The following FGFR3 variants were observed in gnomAD, a reference collection of about 807,000 sequenced individuals.
FGFR3 encodes the protein FGFR-3.
Under a neutral mutation model 82.9 loss-of-function variants are expected in FGFR3, and 25 were observed. The ratio of observed to expected loss-of-function variants is 0.30; its 90% CI spans 0.22 to 0.42. FGFR3 has a LOEUF of 0.42. Ranked by LOEUF, FGFR3 falls within the 10% of genes least tolerant of loss-of-function variation. The pLI is 1.00. For synonymous variants in FGFR3, 620 were observed against 516.0 expected, an observed-to-expected ratio of 1.20 and a Z score of -2.73; for missense variants, 1,026 against 1,161.0, an observed-to-expected ratio of 0.88 and a Z score of 1.69.
At position 1,803,713 on chromosome 4, in the gene FGFR3, G is replaced by A. The variant is rs771975162; in HGVS notation, c.952G>A (p.Asp318Asn). 10 of 1,613,678 alleles carry A rather than the reference G, an allele frequency of 6.2e-6. No individual in the cohort carries two copies. The highest frequency in any genetic ancestry group is 3.3e-5 in the South Asian group (3 of 91,078). Residue 318 changes from aspartate to asparagine, a missense_variant, in exon 8 of 18, where the codon GAC becomes AAC. By Grantham distance (23) the Asp-to-Asn change is conservative (BLOSUM62 1). Transcript: ENST00000440486. ...GTAGACGGCGGGCGCTAACACCACCGACAAGGAGCTAGAGGTTCTCTCCTT... is the reference window on the plus strand; with the variant it reads ...GTAGACGGCGGGCGCTAACACCACCAACAAGGAGCTAGAGGTTCTCTCCTT... Reference protein sequence around the residue: ...VLKTAGANTTDKELEVLSLHN... With the variant: ...VLKTAGANTTNKELEVLSLHN...
intron 17 of FGFR3, 28 bp from the exon 18 acceptor site, chr4:1,807,088 C>T (rs748580193): frequency 8.3e-6 from 13 of 1,559,640 alleles, no homozygotes; most frequent in South Asian, 1.2e-5. Context: ...CTCGGTGGCA[C>T]AGCGCTCACC....
intron 7 of FGFR3, chr4:1,803,051 C>T (rs780694351): frequency 1.6e-5 from 25 of 1,589,962 alleles, no homozygotes; most frequent in Middle Eastern, 1.7e-4. Flanking sequence ...TGAGCGTTCA[C>T]GGGCCCCGAG....
intron 7 of FGFR3, among the ~76,000 whole-genome samples, chr4:1,802,628 C>T (rs528851236): frequency 2.6e-5 from 4 of 152,274 alleles, no homozygotes; most frequent in Admixed American, 2.0e-4. Context: ...CCAGAGAGGC[C>T]GCCTCGGGCC....
At chr4:1,799,668 C>T in intron 3 of FGFR3, 79 bp from the exon 4 acceptor site, 1 of 1,579,496 alleles carries the variant, frequency 6.3e-7, no homozygotes, top group Non-Finnish European at 8.6e-7. Flanking sequence ...AAATGGGGGA[C>T]CCTGCCCCAT....
chr4:1,806,167 G>A lies in FGFR3; in HGVS notation c.1953G>A (p.Thr651=), dbSNP rs7688609. 1,601,075 of 1,613,064 alleles carry A rather than the reference G, an allele frequency of 0.99. 795,336 individuals are homozygous for A. Among genetic ancestry groups the A allele is most frequent in the East Asian group, 1 (44,860 of 44,860 alleles). ...DVHNLDYYKK[T]TNGRLPVKWM... ...ACAACCTCGACTACTACAAGAAGAC[G>A]ACCAACGTGAGCCCGGCCCTGGGGT... Residue 651 remains threonine (T), a synonymous_variant, in exon 14 of 18, where the codon ACG becomes ACA. Transcript: ENST00000440486.
In FGFR3 at chr4:1,802,015, C is replaced by T. The variant is rs2108785071; in HGVS notation, c.920C>T (p.Thr307Ile). ...KVGPDGTPYV[T>I]VLKTAGANTT... ...GGCCCGGACGGCACACCCTACGTTA[C>T]CGTGCTCAAGGTGGGCCACCGTGTG... Residue 307 changes from threonine (T) to isoleucine (I), a missense_variant, in exon 7 of 18, where the codon ACC becomes ATC. This residue lies in a region of FGFR3 where 256 missense variants were observed against 217.6 expected (regional missense o/e 1.18). Transcript: ENST00000440486. 1 of 1,612,030 alleles carries T rather than the reference C, an allele frequency of 6.2e-7. No individual in the cohort carries two copies. The highest frequency in any genetic ancestry group is 8.5e-7 in the Non-Finnish European group (1 of 1,179,608).
intron 2 of FGFR3, among the ~76,000 whole-genome samples, chr4:1,795,292 A>G (rs1381898666): frequency 1.3e-5 from 2 of 151,926 alleles, no homozygotes; most frequent in Non-Finnish European, 2.9e-5. Flanking sequence ...TCATTCAGAT[A>G]AAGATATTAC....
In FGFR3 at chr4:1,808,677, G is replaced by C. The variant is rs769375190; in HGVS notation, c.*1415G>C. ...TTGGAGGGAAGCCGTGAATTCAGTT[G>C]GTTCGTTCTGTACTGTTACTGGGCC... On this transcript the variant is annotated 3_prime_UTR_variant, in exon 18 of 18. Transcript: ENST00000440486. 4.3e-6 allele frequency: 1 copy of C among 232,032 alleles called. No homozygotes were observed. The highest frequency in any genetic ancestry group is 8.5e-6 in the Non-Finnish European group (1 of 117,214). 14.4% of individuals were successfully genotyped at this position (232,032 alleles called of 1,614,324 possible).
In FGFR3 at chr4:1,805,842, G is replaced by C. The variant is rs761196249; in HGVS notation, c.1738G>C (p.Asp580His). Residue 580 changes from aspartate to histidine, a missense_variant, in exon 13 of 18, where the codon GAC becomes CAC. Around this residue, in one of 9 missense-constraint regions of FGFR3, gnomAD observed 164 missense variants for 167.5 expected, o/e 0.98. Transcript: ENST00000440486. ...RRPPGLDYSF[D>H]TCKPPEEQLT... ...GCCCCCGGGCCTGGACTACTCCTTC[G>C]ACACCTGCAAGCCGCCCGAGGAGCA... is the stretch of plus-strand genomic sequence containing the variant. 1 of 1,612,554 alleles carries C rather than the reference G, an allele frequency of 6.2e-7. No individual in the cohort carries two copies. Among genetic ancestry groups the C allele is most frequent in the Non-Finnish European group, 8.5e-7 (1 of 1,179,878 alleles).
intron 9 of FGFR3, 34 bp from the exon 10 acceptor site, chr4:1,804,790 C>T (rs1056371328): frequency 3.2e-6 from 5 of 1,548,632 alleles, no homozygotes; most frequent in South Asian, 1.2e-5. Context: ...CTGTCGCCCA[C>T]GCGGCGCCAA....
In FGFR3 at chr4:1,802,145, AGCTGTGGGGGT is replaced by A. The variant is rs1332045048; in HGVS notation, c.930+124_930+134del. 1.3e-5 allele frequency: 14 copies of A among 1,106,956 alleles called. No individual in the cohort carries two copies. The East Asian group carries it at 1.6e-4, about 12-fold the overall frequency. The allele number at this position is 1,106,956 out of a possible 1,614,324, so 68.6% of individuals were successfully genotyped here. A position where few individuals can be genotyped will look rare whatever the true frequency, so the allele number is the denominator to read the frequency against. ...TAGGGGTTGGAGCTTCGGGGGCAGA[AGCTGTGGGGGT>A]GCTTGTGGGGCCAAGTCTCAGCCAC... On this transcript the variant is annotated intron_variant, in intron 7 of 17. Transcript: ENST00000440486.
chr4:1,801,943 C>T lies in FGFR3; in HGVS notation c.848C>T (p.Pro283Leu), dbSNP rs773094879. Residue 283 changes from proline (P) to leucine (L), a missense_variant, in exon 7 of 18, where the codon CCC becomes CTC. By Grantham distance (98) the Pro-to-Leu change is moderately conservative. Around this residue, in one of 9 missense-constraint regions of FGFR3, gnomAD observed 147 missense variants for 228.1 expected, o/e 0.64. Transcript: ENST00000440486. ...TGCAAGGTGTACAGTGACGCACAGC[C>T]CCACATCCAGTGGCTCAAGCACGTG... The part of the protein sequence containing the change: ...FHCKVYSDAQ[P>L]HIQWLKHVEV... The T allele has an allele frequency of 2.5e-6, 4 of 1,612,776 alleles. No homozygotes were observed. Among genetic ancestry groups the T allele is most frequent in the South Asian group, 2.2e-5 (2 of 91,090 alleles).
chr4:1,801,410 G>A lies in FGFR3; in HGVS notation c.489G>A (p.Leu163=), dbSNP rs1721157938. ...GGCCCGAGCGGATGGACAAGAAGCT[G>A]CTGGCCGTGCCGGCCGCCAACACCG... ...WTRPERMDKK[L]LAVPAANTVR... Residue 163 remains leucine, a synonymous_variant, in exon 5 of 18, where the codon CTG becomes CTA. Coordinates refer to ENST00000440486, the MANE Select transcript of FGFR3 (RefSeq NM_000142.5). 2.6e-6 allele frequency: 4 copies of A among 1,553,726 alleles called. No individual in the cohort carries two copies. In the East Asian group the frequency reaches 9.7e-5, roughly 38 times the overall value.
intron 2 of FGFR3, 62 bp downstream of exon 2, chr4:1,794,105 G>A: frequency 9.5e-7 from 1 of 1,052,814 alleles, no homozygotes; most frequent in Non-Finnish European, 1.3e-6. Context: ...CGTTGGGGAC[G>A]GGAACCGGCC....
chr4:1,804,344 G>A lies in FGFR3; in HGVS notation c.1090G>A (p.Val364Met), dbSNP rs1474313537. 6.2e-7 allele frequency: 1 copy of A among 1,609,398 alleles called. No individual in the cohort carries two copies. The highest frequency in any genetic ancestry group is 8.5e-7 in the Non-Finnish European group (1 of 1,178,180). The change falls in exon 9 of 18, where the codon GTG becomes ATG. Residue 364 changes from valine to methionine, a missense_variant. Transcript: ENST00000440486. ...TGTCTTTGCAGCCGAGGAGGAGCTG[G>A]TGGAGGCTGACGAGGCGGGCAGTGT... Reference protein sequence around the residue: ...LVVLPAEEELVEADEAGSVYA... With the variant: ...LVVLPAEEELMEADEAGSVYA...
At position 1,804,991 on chromosome 4, in the gene FGFR3, C is replaced by T. The variant is rs549931094; in HGVS notation, c.1412+22C>T. 633 of 1,537,956 alleles carry T rather than the reference C, an allele frequency of 4.1e-4. 6 individuals carry two copies. In the South Asian group the frequency reaches 4.5e-3, roughly 11 times the overall value. ...CCCGGTCAGTGGTGCTGAGGGCCAG[C>T]GTTGGCTGTAGGGGGCTTGGTGGTG... On this transcript the variant is annotated intron_variant, in intron 10 of 17. Transcript: ENST00000440486.
rs768897749 is a variant in FGFR3 at position 1,805,647 on chromosome 4, G to C, written c.1623G>C (p.Leu541=). ...MIGKHKNIIN[L]LGACTQGGPL... is the part of the protein sequence containing the mutation. ...GGAAACACAAAAACATCATCAACCT[G>C]CTGGGCGCCTGCACGCAGGGCGGTA... Residue 541 remains leucine, a synonymous_variant, in exon 12 of 18, where the codon CTG becomes CTC. Transcript: ENST00000440486. The C allele has an allele frequency of 1.2e-6, 2 of 1,613,094 alleles. No individual in the cohort carries two copies. The highest frequency in any genetic ancestry group is 1.7e-6 in the Non-Finnish European group (2 of 1,179,750).
chr4:1,798,363 C>T (rs1032364690), intron 2 of FGFR3, among the ~76,000 whole-genome samples: 3 of 152,234 alleles, frequency 2.0e-5, no homozygotes, highest in African/African-American at 4.8e-5. Flanking sequence ...CCCCCCGGCC[C>T]CCTTGAGGGC....
rs1722135322 is a variant in FGFR3, at chr4:1,807,639, C to A, written c.*377C>A. On this transcript the variant is annotated 3_prime_UTR_variant, in exon 18 of 18. Transcript: ENST00000440486. ...ATGGCTCCGGCCTCTGCCTTTGCAC[C>A]ACGGGACATCACAGGGTGGGCCTCG... 1.6e-6 allele frequency: 1 copy of A among 639,810 alleles called. No individual in the cohort carries two copies. Among genetic ancestry groups the A allele is most frequent in the Middle Eastern group, 2.6e-4 (1 of 3,844 alleles). 39.6% of individuals were successfully genotyped at this position (639,810 alleles called of 1,614,324 possible). A position where few individuals can be genotyped will look rare whatever the true frequency, so the allele number is the denominator to read the frequency against.
Sources: gnomAD v4.1 joint callset for allele counts (sites outside exome capture counted in the v4.1 genomes callset) on GRCh38, gnomAD v4.1.1 for gene constraint, gnomAD v4.1.1 regional missense constraint, MANE v1.5 for transcripts, NCBI Gene and HGNC (gene_info 2026-07-23, HGNC 2026-07-21) for gene names.